Variants in ZRANB3 observed in about 807,000 individuals in gnomAD.
ZRANB3 encodes zinc finger RANBP2-type containing 3.
A neutral mutation model predicts 133.8 loss-of-function variants in ZRANB3; 125 were observed. The observed-to-expected ratio is 0.93, with a 90% CI of 0.81 to 1.08. The LOEUF (loss-of-function observed/expected upper bound fraction) is 1.08. Ranked by LOEUF, ZRANB3 falls within the 50% of genes least tolerant of loss-of-function variation. ZRANB3 has a pLI of 0.00. For synonymous variants in ZRANB3, 387 were observed against 432.7 expected (o/e 0.89, Z 1.31); for missense variants, 1,229 against 1,275.5 (o/e 0.96, Z 0.56).
intron 8 of ZRANB3, among the ~76,000 whole-genome samples, chr2:135,287,160 A>C (rs1681415562): frequency 6.6e-6 from 1 of 152,150 alleles, no homozygotes; most frequent in African/African-American, 2.4e-5. Flanking sequence ...TCCCAGCACC[A>C]TTTATTGAAT....
At chr2:135,483,528 T>C (rs1691941958) in intron 2 of ZRANB3, among the ~76,000 whole-genome samples, 2 of 152,054 alleles carry the variant, frequency 1.3e-5, no homozygotes, top group African/African-American at 4.8e-5. Flanking sequence ...GTATTGCTAG[T>C]GGTCTATCAA....
At chr2:135,237,444 T>A (rs1052461093) in intron 12 of ZRANB3, among the ~76,000 whole-genome samples, 5 of 152,162 alleles carry the variant, frequency 3.3e-5, no homozygotes, top group Non-Finnish European at 1.5e-5. Flanking sequence ...TTACTGGGTA[T>A]ATACCCAAAG....
At chr2:135,275,222 T>A (rs868355668) in intron 9 of ZRANB3, among the ~76,000 whole-genome samples, 2 of 98,818 alleles carry the variant, frequency 2.0e-5, no homozygotes, top group Non-Finnish European at 4.6e-5. Flanking sequence ...GCCCCCCACC[T>A]CCCGGACGGG....
intron 9 of ZRANB3, among the ~76,000 whole-genome samples, chr2:135,274,162 T>A (rs972526384): frequency 2.0e-5 from 3 of 152,200 alleles, no homozygotes; most frequent in African/African-American, 7.2e-5. Flanking sequence ...AATGAACATA[T>A]TACCTAATGT....
chr2:135,444,408 T>A (rs1209312927), intron 2 of ZRANB3, among the ~76,000 whole-genome samples: 1 of 152,146 alleles, frequency 6.6e-6, no homozygotes, highest in Admixed American at 6.5e-5. Context: ...AAATGTAGTT[T>A]ACCCATACAA....
chr2:135,508,634 GATAA>G (rs1181644918), intron 1 of ZRANB3, among the ~76,000 whole-genome samples: 2 of 151,994 alleles, frequency 1.3e-5, no homozygotes, highest in Admixed American at 6.6e-5. Flanking sequence ...CAGATATTTG[GATAA>G]ATAAAGAACT....
intron 3 of ZRANB3, among the ~76,000 whole-genome samples, chr2:135,389,488 C>T (rs1250498794): frequency 2.6e-5 from 4 of 152,112 alleles, no homozygotes; most frequent in African/African-American, 4.8e-5. Flanking sequence ...GGGTGGATCA[C>T]GAGGTCAAGA....
At chr2:135,482,340 T>G (rs1691859057) in intron 2 of ZRANB3, among the ~76,000 whole-genome samples, 1 of 138,794 alleles carries the variant, frequency 7.2e-6, no homozygotes, top group Non-Finnish European at 1.5e-5. Context: ...ACATCCCTTG[T>G]AAGTTGGATT....
At chr2:135,372,613 C>T (rs1268529802) in intron 3 of ZRANB3, among the ~76,000 whole-genome samples, 2 of 151,770 alleles carry the variant, frequency 1.3e-5, no homozygotes, top group African/African-American at 4.8e-5. Context: ...TGGTGAAACC[C>T]GTCTCTACTA....
chr2:135,219,111 G>C lies in ZRANB3; in HGVS notation c.2318C>G (p.Pro773Arg). Reference protein sequence around the residue: ...DIKLDLWEDLPASFQLKQYRS... With the variant: ...DIKLDLWEDLRASFQLKQYRS... ...ATATTGTTTCAGCTGAAAGCTTGCT[G>C]GTAAATCTTCCCAAAGGTCTAATTT... The change falls in exon 16 of 21, where the codon CCA becomes CGA. Residue 773 changes from proline (P) to arginine (R), a missense_variant. Transcript: ENST00000264159. 2 of 1,530,230 alleles carry C rather than the reference G, an allele frequency of 1.3e-6. No individual in the cohort carries two copies. The highest frequency in any genetic ancestry group is 1.7e-6 in the Non-Finnish European group (2 of 1,143,914). The allele number at this position is 1,530,230 out of a possible 1,614,324, so 94.8% of individuals were successfully genotyped here.
intron 17 of ZRANB3, among the ~76,000 whole-genome samples, chr2:135,211,261 C>T (rs1450460454): frequency 6.6e-6 from 1 of 152,134 alleles, no homozygotes. Flanking sequence ...AAACCTGAGG[C>T]TGGGTGCGGT....
At chr2:135,212,221 T>C (rs1387918691) in intron 17 of ZRANB3, among the ~76,000 whole-genome samples, 1 of 152,190 alleles carries the variant, frequency 6.6e-6, no homozygotes, top group Non-Finnish European at 1.5e-5. Context: ...GCACAGTAAA[T>C]TGTTTTAGAG....
intron 3 of ZRANB3, among the ~76,000 whole-genome samples, chr2:135,354,651 C>T (rs1573964662): frequency 1.3e-5 from 2 of 152,076 alleles, no homozygotes; most frequent in African/African-American, 4.8e-5. Flanking sequence ...AAACGCATTT[C>T]GGTAAGTGAA....
At chr2:135,299,654 G>T (rs1210086803) in intron 8 of ZRANB3, among the ~76,000 whole-genome samples, 1 of 152,088 alleles carries the variant, frequency 6.6e-6, no homozygotes, top group Admixed American at 6.6e-5. Context: ...ATCTGAAAAA[G>T]AGACCTTGAT....
At chr2:135,400,048 T>C (rs368058034) in intron 2 of ZRANB3, among the ~76,000 whole-genome samples, 1 of 152,104 alleles carries the variant, frequency 6.6e-6, no homozygotes, top group African/African-American at 2.4e-5. Context: ...GAGACCAGCC[T>C]GGCCAACATG....
chr2:135,397,237 AT>A (rs2104933967), intron 2 of ZRANB3, among the ~76,000 whole-genome samples: 2 of 152,154 alleles, frequency 1.3e-5, no homozygotes, highest in South Asian at 4.1e-4. Context: ...TAGCGTACCA[AT>A]CTGAGACCAA....
At chr2:135,490,087 GA>G (rs959901217) in intron 2 of ZRANB3, among the ~76,000 whole-genome samples, 26 of 152,264 alleles carry the variant, frequency 1.7e-4, no homozygotes, top group African/African-American at 6.0e-4. Flanking sequence ...CTTCTAAGTA[GA>G]AAAAAATCCA....
At chr2:135,404,844 G>C (rs1308783207) in intron 2 of ZRANB3, among the ~76,000 whole-genome samples, 1 of 152,144 alleles carries the variant, frequency 6.6e-6, no homozygotes, top group African/African-American at 2.4e-5. Flanking sequence ...TTCATATCCA[G>C]CCAAACTACG....
In ZRANB3 at chr2:135,426,728, A is replaced by T. The variant is rs529381314; in HGVS notation, c.162-35908T>A. Among the ~76,000 whole-genome samples the T allele has an allele frequency of 1.3e-4, 19 of 142,570 alleles. No homozygotes were observed. In the Admixed American group the frequency reaches 1.4e-3, roughly 10 times the overall value. 93.5% of individuals were successfully genotyped at this position (142,570 alleles called of 152,430 possible). A position where few individuals can be genotyped will look rare whatever the true frequency, so the allele number is the denominator to read the frequency against. On this transcript the variant is annotated intron_variant, in intron 2 of 20. Transcript: ENST00000264159. Reference sequence around the variant, plus strand: ...GCGCCAGTAGTCCCAGCTACTTGGGAGGCTGAGGCAGGAGAATGGCATGAA... The same window carrying T: ...GCGCCAGTAGTCCCAGCTACTTGGGTGGCTGAGGCAGGAGAATGGCATGAA...
Sources: allele counts gnomAD v4.1 joint callset (sites outside exome capture counted in the v4.1 genomes callset), GRCh38; gene constraint gnomAD v4.1.1; transcripts MANE v1.5; gene names NCBI Gene and HGNC (gene_info 2026-07-23, HGNC 2026-07-21).